The following CACNB4 variants were observed in gnomAD, a reference collection of about 807,000 sequenced individuals.
CACNB4 encodes calcium voltage-gated channel auxiliary subunit beta 4, also known as voltage-dependent L-type calcium channel subunit beta-4.
In CACNB4, 32 loss-of-function variants were observed where a neutral mutation model predicts 71.2. The ratio of observed to expected loss-of-function variants is 0.45; its 90% CI spans 0.34 to 0.60. CACNB4 has a LOEUF of 0.60. CACNB4 is among the 20% of genes least tolerant of loss of function. The probability of loss-of-function intolerance (pLI) is 0.01; values close to 1 mark genes in which losing one functional copy is unlikely to be tolerated. For synonymous variants in CACNB4, 231 were observed against 236.9 expected, an observed-to-expected ratio of 0.97 and a Z score of 0.23; for missense variants, 464 against 647.9, an observed-to-expected ratio of 0.72 and a Z score of 3.08.
chr2:151,904,735 A>T (rs1218478604), intron 2 of CACNB4, among the ~76,000 whole-genome samples: 5 of 152,144 alleles, frequency 3.3e-5, no homozygotes, highest in African/African-American at 7.2e-5. Flanking sequence ...GGGTTTCACC[A>T]TGTTGGCCAG....
At chr2:151,878,887 G>A (rs1014171115) in intron 4 of CACNB4, among the ~76,000 whole-genome samples, 3 of 151,904 alleles carry the variant, frequency 2.0e-5, no homozygotes, top group Non-Finnish European at 2.9e-5. Context: ...CTCCAGCCTG[G>A]AAAACAGAGC....
intron 2 of CACNB4, among the ~76,000 whole-genome samples, chr2:152,027,953 G>A (rs1257973345): frequency 6.6e-6 from 1 of 151,310 alleles, no homozygotes; most frequent in African/African-American, 2.4e-5. Flanking sequence ...TCCTCAGAGA[G>A]CTTCGATTTG....
intron 3 of CACNB4, among the ~76,000 whole-genome samples, chr2:151,882,836 G>C (rs940802812): frequency 6.6e-6 from 1 of 152,190 alleles, no homozygotes; most frequent in Non-Finnish European, 1.5e-5. Flanking sequence ...TACTGAAAGC[G>C]AGAGAGAAGA....
At chr2:151,866,938 G>A (rs2099843292) in intron 9 of CACNB4, 1 of 151,892 alleles carries the variant, frequency 6.6e-6, no homozygotes, top group African/African-American at 2.4e-5. Context: ...GTACAGTAAT[G>A]GATGCGACAA....
intron 12 of CACNB4, among the ~76,000 whole-genome samples, chr2:151,848,262 C>T (rs556015257): frequency 6.6e-6 from 1 of 152,226 alleles, no homozygotes; most frequent in African/African-American, 2.4e-5. Flanking sequence ...AGGTGTAGTC[C>T]CCTTTGGGCT....
intron 2 of CACNB4, among the ~76,000 whole-genome samples, chr2:151,889,166 G>A (rs2099850122): frequency 6.6e-6 from 1 of 152,080 alleles, no homozygotes; most frequent in African/African-American, 2.4e-5. Context: ...GTGTAAATTT[G>A]GCATTTTAAG....
intron 2 of CACNB4, among the ~76,000 whole-genome samples, chr2:151,960,451 C>T (rs903495039): frequency 7.9e-5 from 12 of 152,166 alleles, no homozygotes; most frequent in South Asian, 2.1e-4. Flanking sequence ...CCCCCGAGTT[C>T]GCCTTATCTT....
At chr2:151,842,820 G>A (rs1209582340) in intron 12 of CACNB4, among the ~76,000 whole-genome samples, 2 of 152,126 alleles carry the variant, frequency 1.3e-5, no homozygotes, top group Non-Finnish European at 2.9e-5. Context: ...CATGTTTTGG[G>A]CAATGACCAC....
chr2:151,876,388 T>C (rs2099846257), intron 5 of CACNB4, 38 bp downstream of exon 5: 1 of 1,573,934 alleles, frequency 6.4e-7, no homozygotes, highest in Non-Finnish European at 8.7e-7. Context: ...CCCAATTTTC[T>C]GACCAAAAAA....
chr2:151,914,114 T>G (rs1217064046), intron 2 of CACNB4, among the ~76,000 whole-genome samples: 3 of 151,888 alleles, frequency 2.0e-5, no homozygotes, highest in Non-Finnish European at 4.4e-5. Flanking sequence ...GGTATCCCAA[T>G]CAATTGTAAG....
intron 2 of CACNB4, among the ~76,000 whole-genome samples, chr2:151,964,583 A>G (rs1427025376): frequency 6.6e-6 from 1 of 152,206 alleles, no homozygotes; most frequent in African/African-American, 2.4e-5. Flanking sequence ...CTAAGGGGAA[A>G]AAGCTGCCAA....
intron 2 of CACNB4, among the ~76,000 whole-genome samples, chr2:152,081,267 T>G (rs1019546323): frequency 2.6e-5 from 4 of 152,194 alleles, no homozygotes; most frequent in Non-Finnish European, 5.9e-5. Flanking sequence ...TTAGTCAACT[T>G]GAGCTGCTGT....
intron 2 of CACNB4, among the ~76,000 whole-genome samples, chr2:152,095,551 A>G (rs1347297870): frequency 6.6e-6 from 1 of 152,160 alleles, no homozygotes; most frequent in Non-Finnish European, 1.5e-5. Flanking sequence ...CAAAGGCATC[A>G]CAAAGACTGT....
At chr2:151,912,904 T>C (rs1369897797) in intron 2 of CACNB4, among the ~76,000 whole-genome samples, 1 of 151,820 alleles carries the variant, frequency 6.6e-6, no homozygotes, top group Non-Finnish European at 1.5e-5. Flanking sequence ...GTTGAATTGT[T>C]CCCTTTACCA....
intron 2 of CACNB4, among the ~76,000 whole-genome samples, chr2:151,982,430 T>G (rs150433082): frequency 0.022 from 3,352 of 151,952 alleles, 109 homozygotes; most frequent in African/African-American, 0.071. Flanking sequence ...TCAGGAGATT[T>G]AGACCATCCT....
chr2:152,049,919 T>C (rs944020996), intron 2 of CACNB4, among the ~76,000 whole-genome samples: 3 of 152,260 alleles, frequency 2.0e-5, no homozygotes, highest in Admixed American at 2.0e-4. Context: ...GAACTTCTAC[T>C]GAGGGCCAAA....
At chr2:151,979,097 G>A (rs2099874282) in intron 2 of CACNB4, among the ~76,000 whole-genome samples, 1 of 152,026 alleles carries the variant, frequency 6.6e-6, no homozygotes, top group South Asian at 2.1e-4. Context: ...ACCCCACCCT[G>A]TCACAAAACA....
chr2:151,965,335 T>C (rs6433733), intron 2 of CACNB4, among the ~76,000 whole-genome samples: 68,850 of 152,088 alleles, frequency 0.45, 19,723 homozygotes, highest in Non-Finnish European at 0.64. Flanking sequence ...CATCTTTGCA[T>C]CCTTTCACTT....
chr2:152,050,381 A>G (rs1343863652), intron 2 of CACNB4, among the ~76,000 whole-genome samples: 2 of 152,228 alleles, frequency 1.3e-5, no homozygotes, highest in Admixed American at 6.5e-5. Flanking sequence ...ATTTACTCTA[A>G]ATGAGCCACA....
Sources: allele counts gnomAD v4.1 joint callset (sites outside exome capture counted in the v4.1 genomes callset), GRCh38; gene constraint gnomAD v4.1.1; transcripts MANE v1.5; gene names NCBI Gene and HGNC (gene_info 2026-07-23, HGNC 2026-07-21).